The following PNPT1 variants were observed in gnomAD, a reference collection of about 807,000 sequenced individuals.
The protein encoded by PNPT1 is polyribonucleotide nucleotidyltransferase 1, mitochondrial.
A neutral mutation model predicts 119.5 loss-of-function variants in PNPT1; 53 were observed. The observed-to-expected ratio is 0.44, with a 90% CI of 0.36 to 0.56. The LOEUF (loss-of-function observed/expected upper bound fraction) is 0.56. PNPT1 is among the 20% of genes least tolerant of loss of function. The pLI, the probability that PNPT1 is intolerant of heterozygous loss-of-function variation, is 0.00. For missense variants in PNPT1, 948 were observed against 938.5 expected, an observed-to-expected ratio of 1.01 and a Z score of -0.13; for synonymous variants, 357 against 322.1, an observed-to-expected ratio of 1.11 and a Z score of -1.16.
intron 8 of PNPT1, among the ~76,000 whole-genome samples, chr2:55,676,222 G>A (rs1398814325): frequency 7.9e-6 from 1 of 126,888 alleles, no homozygotes; most frequent in Non-Finnish European, 1.6e-5. Flanking sequence ...TTGCGCCACT[G>A]CACTCCAGCC....
At chr2:55,655,455 G>A (rs1036171487) in intron 17 of PNPT1, among the ~76,000 whole-genome samples, 2 of 152,176 alleles carry the variant, frequency 1.3e-5, no homozygotes, top group African/African-American at 4.8e-5. Flanking sequence ...TATTGCTACA[G>A]ATATTCTAAT....
chr2:55,681,406 C>CTAAA (rs1008285484), intron 5 of PNPT1, among the ~76,000 whole-genome samples: 7 of 151,696 alleles, frequency 4.6e-5, no homozygotes, highest in African/African-American at 1.7e-4. Context: ...GAATCTGTCT[C>CTAAA]TAAATAAATA....
intron 26 of PNPT1, 47 bp from the exon 27 acceptor site, chr2:55,637,646 A>G (rs374577035): frequency 1.8e-4 from 255 of 1,441,442 alleles, no homozygotes; most frequent in Non-Finnish European, 2.4e-4. Context: ...ATAATTATGT[A>G]GTGTCCATGG....
intron 3 of PNPT1, among the ~76,000 whole-genome samples, chr2:55,685,584 T>C (rs1301131369): frequency 1.3e-5 from 2 of 152,220 alleles, no homozygotes; most frequent in African/African-American, 4.8e-5. Context: ...AGACTCACTA[T>C]TTGCCACAGA....
chr2:55,648,128 G>A (rs1468568148), intron 18 of PNPT1, among the ~76,000 whole-genome samples: 2 of 152,056 alleles, frequency 1.3e-5, no homozygotes, highest in African/African-American at 4.8e-5. Flanking sequence ...CCTCCCCATG[G>A]CAGCTAACAT....
At chr2:55,657,876 A>C (rs1488398109) in intron 15 of PNPT1, among the ~76,000 whole-genome samples, 6 of 72,046 alleles carry the variant, frequency 8.3e-5, no homozygotes, top group African/African-American at 2.7e-4. Context: ...AAAAAAAAAA[A>C]AAAAAAAAAA....
At chr2:55,691,834 T>C (rs1697610229) in intron 1 of PNPT1, among the ~76,000 whole-genome samples, 1 of 142,534 alleles carries the variant, frequency 7.0e-6, no homozygotes, top group South Asian at 2.4e-4. Flanking sequence ...ATATTACTCT[T>C]CAATTAAAAA....
At chr2:55,650,700 G>T (rs1696150823) in intron 18 of PNPT1, among the ~76,000 whole-genome samples, 1 of 151,436 alleles carries the variant, frequency 6.6e-6, no homozygotes, top group African/African-American at 2.4e-5. Flanking sequence ...GATGTGAGGA[G>T]CGTCTCTGCC....
At chr2:55,691,878 ATTTT>A (rs1227966046) in intron 1 of PNPT1, among the ~76,000 whole-genome samples, 603 of 31,866 alleles carry the variant, frequency 0.019, 2 homozygotes, top group South Asian at 0.03. Flanking sequence ...ATATATATAT[ATTTT>A]TTTTTTTTTT....
chr2:55,637,024 G>C (rs561347692), intron 27 of PNPT1, among the ~76,000 whole-genome samples: 1 of 152,160 alleles, frequency 6.6e-6, no homozygotes, highest in Non-Finnish European at 1.5e-5. Context: ...CAGGTCATGC[G>C]TATTAGCGTA....
At chr2:55,677,252 G>A (rs1435154021) in intron 8 of PNPT1, among the ~76,000 whole-genome samples, 1 of 152,250 alleles carries the variant, frequency 6.6e-6, no homozygotes, top group African/African-American at 2.4e-5. Flanking sequence ...AGAGCCAGCT[G>A]GAAGTTGGCC....
At position 55,646,292 on chromosome 2, in the gene PNPT1, T is replaced by G; in HGVS notation, c.1705A>C (p.Lys569Gln). Residue 569 changes from lysine (K) to glutamine (Q), a missense_variant, in exon 21 of 28, where the codon AAA becomes CAA. By Grantham distance (53) the Lys-to-Gln change is moderately conservative. Transcript: ENST00000447944. The stretch of plus-strand genomic sequence containing the variant: ...TGTTGAATAGCCTCCATCACAATTT[T>G]TATTGGTATTCCAGGTAATTTAATA... ...ADIKLPGIPIKIVMEAIQQAS... is the reference protein window; with the variant it reads ...ADIKLPGIPIQIVMEAIQQAS... The G allele has an allele frequency of 1.9e-6, 3 of 1,613,336 alleles. No individual in the cohort carries two copies. The highest frequency in any genetic ancestry group is 3.3e-5 in the Admixed American group (2 of 59,996).
chr2:55,657,089 G>A (rs1311888962), intron 15 of PNPT1, among the ~76,000 whole-genome samples: 1 of 152,164 alleles, frequency 6.6e-6, no homozygotes, highest in Non-Finnish European at 1.5e-5. Context: ...AGCACTTTGG[G>A]AGGCCAAGGC....
rs192702436 is a variant in PNPT1 at position 55,671,957 on chromosome 2, T to C, written c.918+38A>G. 710 of 1,481,550 alleles carry C rather than the reference T, an allele frequency of 4.8e-4. 3 individuals carry two copies. In the African/African-American group the frequency reaches 9.4e-3, roughly 20 times the overall value. The allele number at this position is 1,481,550 out of a possible 1,614,324, so 91.8% of individuals were successfully genotyped here. A position where few individuals can be genotyped will look rare whatever the true frequency, so the allele number is the denominator to read the frequency against. ...ATGAGTTATGACAAAAATGTATTCCTAGGGCAATTATGGAAGACAAAACTC... is the reference window on the plus strand; with the variant it reads ...ATGAGTTATGACAAAAATGTATTCCCAGGGCAATTATGGAAGACAAAACTC... On this transcript the variant is annotated intron_variant, in intron 10 of 27. Transcript: ENST00000447944.
intron 17 of PNPT1, among the ~76,000 whole-genome samples, chr2:55,655,526 T>C (rs1336390999): frequency 6.6e-6 from 1 of 152,238 alleles, no homozygotes; most frequent in African/African-American, 2.4e-5. Flanking sequence ...TATAGGGCTT[T>C]GGCTCTCTCA....
intron 13 of PNPT1, among the ~76,000 whole-genome samples, chr2:55,666,634 G>C (rs898372210): frequency 6.6e-6 from 1 of 152,148 alleles, no homozygotes; most frequent in Non-Finnish European, 1.5e-5. Context: ...GAGGCCAAGA[G>C]TTTGAGACCA....
chr2:55,646,106 A>G (rs538330090), intron 21 of PNPT1, among the ~76,000 whole-genome samples, 153 bp downstream of exon 21: 143 of 152,196 alleles, frequency 9.4e-4, no homozygotes, highest in African/African-American at 3.2e-3. Flanking sequence ...GGGATTACAG[A>G]CATGAGCCAC....
At chr2:55,671,287 A>C (rs1696904986) in intron 11 of PNPT1, 32 bp downstream of exon 11, 1 of 1,332,630 alleles carries the variant, frequency 7.5e-7, no homozygotes, top group Non-Finnish European at 1.0e-6. Flanking sequence ...TGCCCTCAGC[A>C]AAAAAATAAA....
chr2:55,684,877 T>A (rs1697353494), intron 4 of PNPT1, 66 bp downstream of exon 4: 3 of 1,386,258 alleles, frequency 2.2e-6, no homozygotes, highest in African/African-American at 2.9e-5. Context: ...AGAACACAGA[T>A]GCAAGAGAAG....
Sources: allele counts gnomAD v4.1 joint callset (sites outside exome capture counted in the v4.1 genomes callset), GRCh38; gene constraint gnomAD v4.1.1; transcripts MANE v1.5; gene names NCBI Gene and HGNC (gene_info 2026-07-23, HGNC 2026-07-21).